Variants in CSNK1G3 observed in about 807,000 individuals in gnomAD.
CSNK1G3 encodes the protein casein kinase 1 gamma 3.
A neutral mutation model predicts 64.3 loss-of-function variants in CSNK1G3; 23 were observed. The observed-to-expected ratio is 0.36, with a 90% CI of 0.26 to 0.51. The LOEUF (loss-of-function observed/expected upper bound fraction) is 0.51, where lower values mean the gene tolerates loss of function less well. CSNK1G3 is among the 20% of genes least tolerant of loss of function. CSNK1G3 has a pLI of 0.96. For missense variants in CSNK1G3, 357 were observed against 510.5 expected (o/e 0.70, Z 2.90); for synonymous variants, 158 against 162.2 (o/e 0.97, Z 0.20).
At chr5:123,600,910 T>A (rs1794386256) in intron 10 of CSNK1G3, among the ~76,000 whole-genome samples, 1 of 151,888 alleles carries the variant, frequency 6.6e-6, no homozygotes, top group Non-Finnish European at 1.5e-5. Context: ...TGCCTTTTTT[T>A]TTTTTTTATC....
At chr5:123,595,132 C>G in intron 10 of CSNK1G3, 10 of 1,612,852 alleles carry the variant, frequency 6.2e-6, no homozygotes, top group African/African-American at 2.7e-5. Flanking sequence ...TGGCTCGGTA[C>G]AGGTATTTTC....
chr5:123,513,531 T>C (rs1776621944), intron 1 of CSNK1G3, among the ~76,000 whole-genome samples: 1 of 152,208 alleles, frequency 6.6e-6, no homozygotes, highest in South Asian at 2.1e-4. Context: ...TTTTAAATCT[T>C]CTATTAAAAT....
intron 2 of CSNK1G3, among the ~76,000 whole-genome samples, chr5:123,548,546 C>G (rs1783016226): frequency 6.7e-6 from 1 of 148,380 alleles, no homozygotes; most frequent in Non-Finnish European, 1.5e-5. Context: ...TATTTATTTG[C>G]TTTCAAATTT....
chr5:123,514,229 C>T (rs776482586), intron 1 of CSNK1G3, among the ~76,000 whole-genome samples: 1 of 152,162 alleles, frequency 6.6e-6, no homozygotes, highest in African/African-American at 2.4e-5. Flanking sequence ...TCTTGAGAAA[C>T]GATTGTCTTT....
At chr5:123,564,382 T>G (rs1203894914) in intron 4 of CSNK1G3, among the ~76,000 whole-genome samples, 17 of 152,114 alleles carry the variant, frequency 1.1e-4, no homozygotes, top group Non-Finnish European at 2.5e-4. Context: ...TATTACTAAA[T>G]ATACATAATT....
At chr5:123,517,811 T>G (rs1226331030) in intron 1 of CSNK1G3, among the ~76,000 whole-genome samples, 1 of 152,126 alleles carries the variant, frequency 6.6e-6, no homozygotes, top group Non-Finnish European at 1.5e-5. Flanking sequence ...TGATTTCCTT[T>G]TTAGGCTAAC....
chr5:123,599,653 A>G (rs1332077381), intron 10 of CSNK1G3, among the ~76,000 whole-genome samples: 2 of 152,336 alleles, frequency 1.3e-5, no homozygotes, highest in East Asian at 3.9e-4. Flanking sequence ...ATATTTGAAA[A>G]TGCAGTTATT....
intron 2 of CSNK1G3, among the ~76,000 whole-genome samples, chr5:123,546,327 G>T (rs946351226): frequency 6.6e-6 from 1 of 151,902 alleles, no homozygotes; most frequent in Non-Finnish European, 1.5e-5. Flanking sequence ...TATGTTTGGG[G>T]TGGGGCTCAG....
chr5:123,551,041 A>G (rs1381899140), intron 2 of CSNK1G3, among the ~76,000 whole-genome samples: 1 of 152,172 alleles, frequency 6.6e-6, no homozygotes, highest in Non-Finnish European at 1.5e-5. Flanking sequence ...CATTTGTTAT[A>G]TTTTGATTCT....
At chr5:123,575,444 A>G (rs1788980367) in intron 5 of CSNK1G3, among the ~76,000 whole-genome samples, 1 of 152,222 alleles carries the variant, frequency 6.6e-6, no homozygotes, top group African/African-American at 2.4e-5. Context: ...TTTATGAAGT[A>G]GCATCCTCTG....
At chr5:123,528,122 A>G (rs1779371863) in intron 1 of CSNK1G3, among the ~76,000 whole-genome samples, 1 of 152,160 alleles carries the variant, frequency 6.6e-6, no homozygotes. Flanking sequence ...CTCAAGTGGA[A>G]TTTAGAGGCT....
intron 1 of CSNK1G3, among the ~76,000 whole-genome samples, chr5:123,521,235 C>A (rs1263684331): frequency 6.6e-6 from 1 of 152,020 alleles, no homozygotes; most frequent in Non-Finnish European, 1.5e-5. Flanking sequence ...GTCTGACTCT[C>A]CCTACTCCAA....
chr5:123,552,112 A>G (rs1367410784), intron 2 of CSNK1G3, among the ~76,000 whole-genome samples: 1 of 151,708 alleles, frequency 6.6e-6, no homozygotes, highest in African/African-American at 2.4e-5. Context: ...TATTTTAAAT[A>G]TTTTATGTAA....
rs113902758 is a variant in CSNK1G3, at chr5:123,568,160, C to G, written c.290-5233C>G. ...GATGAATTGGATCCTTTCTGTTGAT[C>G]AATGCCAGCTGCAGGCATTGCAGTT... On this transcript the variant is annotated intron_variant, in intron 4 of 12. Transcript: ENST00000345990. Among the ~76,000 whole-genome samples the G allele has an allele frequency of 7.5e-3, 1,142 of 152,276 alleles. 6 individuals carry two copies. Among genetic ancestry groups the G allele is most frequent in the Non-Finnish European group, 0.013 (852 of 68,012 alleles).
At chr5:123,607,511 GT>G (rs1399966162) in intron 12 of CSNK1G3, among the ~76,000 whole-genome samples, 1 of 152,158 alleles carries the variant, frequency 6.6e-6, no homozygotes, top group Non-Finnish European at 1.5e-5. Flanking sequence ...AAGGCCACAT[GT>G]TATGTGATTC....
At chr5:123,532,149 C>T (rs1780042647) in intron 1 of CSNK1G3, among the ~76,000 whole-genome samples, 1 of 151,818 alleles carries the variant, frequency 6.6e-6, no homozygotes, top group South Asian at 2.1e-4. Flanking sequence ...TTAATGTACA[C>T]TCTGAATTTT....
chr5:123,571,344 C>T (rs960964555), intron 4 of CSNK1G3, among the ~76,000 whole-genome samples: 1 of 151,890 alleles, frequency 6.6e-6, no homozygotes, highest in Non-Finnish European at 1.5e-5. Flanking sequence ...AGTGCAGTGG[C>T]GCAGTCCCGG....
At chr5:123,545,888 T>C in intron 2 of CSNK1G3, 47 bp downstream of exon 2, 2 of 1,414,560 alleles carry the variant, frequency 1.4e-6, no homozygotes, top group Non-Finnish European at 2.0e-6. Context: ...ATTTTAAAAA[T>C]TGGAAGATAC....
intron 8 of CSNK1G3, 78 bp downstream of exon 8, chr5:123,588,589 A>T: frequency 1.1e-6 from 1 of 898,678 alleles, no homozygotes; most frequent in Non-Finnish European, 1.7e-6. Flanking sequence ...GTTTATACAT[A>T]TTTTTTTCTA....
Sources: gnomAD v4.1 joint callset for allele counts (sites outside exome capture counted in the v4.1 genomes callset) on GRCh38, gnomAD v4.1.1 for gene constraint, MANE v1.5 for transcripts, NCBI Gene and HGNC (gene_info 2026-07-23, HGNC 2026-07-21) for gene names.